The following IGSF21 variants were observed in gnomAD, a reference collection of about 807,000 sequenced individuals.
IGSF21 encodes immunoglobin superfamily member 21.
Under a neutral mutation model 46.8 loss-of-function variants are expected in IGSF21, and 28 were observed. The ratio of observed to expected loss-of-function variants is 0.60; its 90% confidence interval spans 0.44 to 0.82. The LOEUF is 0.82. Ranked by LOEUF, IGSF21 falls within the 40% of genes least tolerant of loss-of-function variation. The pLI, the probability that IGSF21 is intolerant of heterozygous loss-of-function variation, is 0.00. For synonymous variants in IGSF21, 284 were observed against 273.6 expected, an observed-to-expected ratio of 1.04 and a Z score of -0.38; for missense variants, 624 against 665.5, an observed-to-expected ratio of 0.94 and a Z score of 0.69.
chr1:18,171,880 C>T (rs1163154564), intron 1 of IGSF21, among the ~76,000 whole-genome samples: 1 of 152,228 alleles, frequency 6.6e-6, no homozygotes, highest in Non-Finnish European at 1.5e-5. Flanking sequence ...GACCTGTTCC[C>T]TCTAATAGTG....
At chr1:18,216,764 G>A (rs534382275) in intron 1 of IGSF21, among the ~76,000 whole-genome samples, 2 of 152,314 alleles carry the variant, frequency 1.3e-5, no homozygotes, top group South Asian at 4.1e-4. Flanking sequence ...GAGGTAGATG[G>A]TTGGGAGTGC....
At chr1:18,304,331 G>A (rs747498697) in intron 3 of IGSF21, among the ~76,000 whole-genome samples, 21 of 152,262 alleles carry the variant, frequency 1.4e-4, no homozygotes, top group Admixed American at 2.0e-4. Flanking sequence ...AACACAGGGC[G>A]GGGGAGAAGT....
At chr1:18,247,282 G>A (rs2084794579) in intron 2 of IGSF21, among the ~76,000 whole-genome samples, 1 of 152,086 alleles carries the variant, frequency 6.6e-6, no homozygotes, top group Admixed American at 6.5e-5. Flanking sequence ...GCTTCTGGAG[G>A]CAAGACTGGG....
chr1:18,197,220 G>A (rs747511516), intron 1 of IGSF21, among the ~76,000 whole-genome samples: 5 of 152,176 alleles, frequency 3.3e-5, no homozygotes, highest in Non-Finnish European at 7.4e-5. Flanking sequence ...TCATGGGCGG[G>A]CAACCCAGTC....
intron 3 of IGSF21, among the ~76,000 whole-genome samples, chr1:18,314,248 C>G (rs1388780592): frequency 6.6e-6 from 1 of 151,850 alleles, no homozygotes; most frequent in African/African-American, 2.4e-5. Context: ...TAAACCTATT[C>G]TCCTGCATCT....
intron 4 of IGSF21, among the ~76,000 whole-genome samples, chr1:18,342,316 ACTCCTGAC>A (rs1176696891): frequency 1.3e-5 from 2 of 151,452 alleles, no homozygotes; most frequent in East Asian, 3.9e-4. Context: ...CTGGTCTTGA[ACTCCTGAC>A]CTCAAGTGAT....
intron 3 of IGSF21, among the ~76,000 whole-genome samples, chr1:18,311,078 T>G (rs1386990549): frequency 6.6e-6 from 1 of 152,138 alleles, no homozygotes; most frequent in Non-Finnish European, 1.5e-5. Flanking sequence ...ATTCAACAGA[T>G]CTTTTGGGAG....
At chr1:18,348,130 A>T (rs591910) in intron 4 of IGSF21, among the ~76,000 whole-genome samples, 65,459 of 152,114 alleles carry the variant, frequency 0.43, 14,254 homozygotes, top group African/African-American at 0.51. Context: ...GAAGAAATTG[A>T]GACCCAGAGA....
chr1:18,230,305 C>T (rs1569581301), intron 2 of IGSF21, among the ~76,000 whole-genome samples: 1 of 152,196 alleles, frequency 6.6e-6, no homozygotes, highest in African/African-American at 2.4e-5. Flanking sequence ...CTCCTCTCTC[C>T]CCCACTCTTG....
intron 2 of IGSF21, among the ~76,000 whole-genome samples, chr1:18,280,473 A>C (rs1049819279): frequency 1.3e-5 from 2 of 152,116 alleles, no homozygotes; most frequent in Admixed American, 6.5e-5. Flanking sequence ...TAGTAATAAT[A>C]ATATGCATTA....
At chr1:18,287,212 A>AATAAAT (rs1381765426) in intron 2 of IGSF21, among the ~76,000 whole-genome samples, 1 of 143,794 alleles carries the variant, frequency 7.0e-6, no homozygotes, top group Non-Finnish European at 1.5e-5. Context: ...TAAATAAATA[A>AATAAAT]AAATAAATAA....
intron 3 of IGSF21, among the ~76,000 whole-genome samples, chr1:18,327,405 C>T (rs1048626697): frequency 2.0e-5 from 3 of 152,176 alleles, no homozygotes; most frequent in African/African-American, 7.2e-5. Context: ...CATTTGCACA[C>T]ACAGCACCTC....
chr1:18,377,303 C>A, intron 8 of IGSF21, 90 bp from the exon 9 acceptor site: 1 of 1,167,144 alleles, frequency 8.6e-7, no homozygotes, highest in Non-Finnish European at 1.3e-6. Flanking sequence ...CGTGTGATAC[C>A]TCACAGCAGG....
At chr1:18,110,357 G>C (rs1355184618) in intron 1 of IGSF21, 2 of 152,468 alleles carry the variant, frequency 1.3e-5, no homozygotes, top group African/African-American at 4.8e-5. Context: ...GGCGGGGTGC[G>C]AGAAGAGTCC....
At chr1:18,128,371 G>C (rs2086290780) in intron 1 of IGSF21, among the ~76,000 whole-genome samples, 1 of 152,148 alleles carries the variant, frequency 6.6e-6, no homozygotes, top group Admixed American at 6.5e-5. Flanking sequence ...AGATGAGTAG[G>C]GAAGAAAATA....
At chr1:18,354,204 G>A (rs2085990387) in intron 4 of IGSF21, among the ~76,000 whole-genome samples, 1 of 152,216 alleles carries the variant, frequency 6.6e-6, no homozygotes, top group Admixed American at 6.5e-5. Flanking sequence ...CTTAAAGGAT[G>A]AGGTGGAGTT....
At chr1:18,345,025 G>A (rs1439725363) in intron 4 of IGSF21, among the ~76,000 whole-genome samples, 2 of 152,136 alleles carry the variant, frequency 1.3e-5, no homozygotes, top group African/African-American at 4.8e-5. Context: ...GTATGAACAC[G>A]AGCTTCCACC....
chr1:18,250,835 C>A (rs1183602825), intron 2 of IGSF21, among the ~76,000 whole-genome samples: 3 of 152,128 alleles, frequency 2.0e-5, no homozygotes, highest in African/African-American at 7.2e-5. Flanking sequence ...AAGATCTCTG[C>A]TTTAGTGGGG....
chr1:18,249,671 G>A (rs1473945968), intron 2 of IGSF21, among the ~76,000 whole-genome samples: 1 of 152,154 alleles, frequency 6.6e-6, no homozygotes, highest in Non-Finnish European at 1.5e-5. Context: ...CAGAGGAATG[G>A]CCCAGAGCCA....
Sources: allele counts gnomAD v4.1 joint callset (sites outside exome capture counted in the v4.1 genomes callset), GRCh38; gene constraint gnomAD v4.1.1; transcripts MANE v1.5; gene names NCBI Gene and HGNC (gene_info 2026-07-23, HGNC 2026-07-21).